Variants in SGCZ observed in about 807,000 individuals in gnomAD.
SGCZ encodes sarcoglycan zeta.
In SGCZ, 40 loss-of-function variants were observed where a neutral mutation model predicts 41.3. The observed-to-expected ratio is 0.97, with a 90% CI of 0.75 to 1.26. The LOEUF (loss-of-function observed/expected upper bound fraction) is 1.26. Among genes scored for constraint, SGCZ ranks in the 50% most tolerant of loss-of-function variants. The pLI is 0.00. For synonymous variants in SGCZ, 206 were observed against 137.5 expected (o/e 1.50, Z -3.49); for missense variants, 552 against 369.8 (o/e 1.49, Z -4.04).
At chr8:14,359,826 A>T (rs900036790) in intron 2 of SGCZ, among the ~76,000 whole-genome samples, 1 of 152,032 alleles carries the variant, frequency 6.6e-6, no homozygotes, top group Non-Finnish European at 1.5e-5. Context: ...AAAAAAAAAA[A>T]AAACAAATAT....
intron 2 of SGCZ, among the ~76,000 whole-genome samples, chr8:14,331,216 TATTAA>T (rs1167915076): frequency 2.0e-5 from 3 of 151,984 alleles, no homozygotes; most frequent in East Asian, 1.9e-4. Flanking sequence ...AGAATGGAAA[TATTAA>T]ATTGTTTCAA....
Position 14,811,654 on chromosome 8 carries a change from A to G in SGCZ, c.40-256728T>C, listed in dbSNP as rs541130649. Among the ~76,000 whole-genome samples the G allele has an allele frequency of 4.0e-5, 6 of 150,918 alleles. No individual in the cohort carries two copies. The South Asian group carries it at 1.0e-3, about 26-fold the overall frequency. ...ACATAAATTTCATAGAATCTGGAGAACAGCCATTAAAAGAGTACATTGTCT... is the reference window on the plus strand; with the variant it reads ...ACATAAATTTCATAGAATCTGGAGAGCAGCCATTAAAAGAGTACATTGTCT... On this transcript the variant is annotated intron_variant, in intron 1 of 7. Coordinates refer to ENST00000382080, the MANE Select transcript of SGCZ (RefSeq NM_139167.4).
intron 3 of SGCZ, among the ~76,000 whole-genome samples, chr8:14,295,219 T>C (rs1800969154): frequency 6.6e-6 from 1 of 152,162 alleles, no homozygotes; most frequent in African/African-American, 2.4e-5. Context: ...GGAAACTCTT[T>C]ATAGTCAATC....
intron 1 of SGCZ, among the ~76,000 whole-genome samples, chr8:14,892,685 G>T (rs1805059321): frequency 6.6e-6 from 1 of 152,086 alleles, no homozygotes; most frequent in Non-Finnish European, 1.5e-5. Context: ...ATGGAACTAA[G>T]TAAATAAAAA....
In SGCZ at chr8:14,191,235, T is replaced by C. The variant is rs1453972753; in HGVS notation, c.425-26533A>G. ...GAGCTGTGTTATATATTTTGAATAT[T>C]GACCTTTATCAGTTACATAGTCCAA... On this transcript the variant is annotated intron_variant, in intron 4 of 7. Coordinates refer to ENST00000382080, the MANE Select transcript of SGCZ (RefSeq NM_139167.4). Among the ~76,000 whole-genome samples the C allele has an allele frequency of 3.3e-5, 5 of 152,234 alleles. No individual in the cohort carries two copies. In the East Asian group the frequency reaches 9.6e-4, roughly 29 times the overall value.
intron 1 of SGCZ, among the ~76,000 whole-genome samples, chr8:14,703,619 A>G (rs1347789310): frequency 6.6e-6 from 1 of 152,014 alleles, no homozygotes; most frequent in East Asian, 1.9e-4. Context: ...AAGCAAATTT[A>G]TGGTATAGCA....
chr8:14,601,673 A>C (rs929472053), intron 1 of SGCZ, among the ~76,000 whole-genome samples: 1 of 152,174 alleles, frequency 6.6e-6, no homozygotes. Context: ...GGTAGCAGAA[A>C]GTTTTTCTTT....
intron 2 of SGCZ, among the ~76,000 whole-genome samples, chr8:14,470,006 C>T (rs1022257600): frequency 3.3e-5 from 5 of 152,112 alleles, no homozygotes; most frequent in African/African-American, 1.2e-4. Context: ...TTGATGGGAA[C>T]CCCAGCTTGA....
chr8:14,880,393 G>A (rs891294301), intron 1 of SGCZ, among the ~76,000 whole-genome samples: 8 of 152,142 alleles, frequency 5.3e-5, no homozygotes, highest in African/African-American at 9.7e-5. Context: ...AAGTCAGTGT[G>A]GTGATTTCTC....
At chr8:14,206,664 G>A (rs1387432068) in intron 4 of SGCZ, among the ~76,000 whole-genome samples, 1 of 152,122 alleles carries the variant, frequency 6.6e-6, no homozygotes, top group Non-Finnish European at 1.5e-5. Flanking sequence ...GATTTATTCT[G>A]TTTATATAAC....
chr8:15,064,947 C>A (rs1183912714), intron 1 of SGCZ, among the ~76,000 whole-genome samples: 4 of 152,120 alleles, frequency 2.6e-5, no homozygotes, highest in African/African-American at 9.7e-5. Flanking sequence ...GCGGTTTACA[C>A]CATCTTCATT....
At chr8:14,902,967 T>C (rs1365069699) in intron 1 of SGCZ, among the ~76,000 whole-genome samples, 1 of 152,136 alleles carries the variant, frequency 6.6e-6, no homozygotes, top group Non-Finnish European at 1.5e-5. Flanking sequence ...TTTCAAAACA[T>C]GTGAATTGAC....
chr8:14,688,145 G>T (rs914397111), intron 1 of SGCZ, among the ~76,000 whole-genome samples: 3 of 152,028 alleles, frequency 2.0e-5, no homozygotes, highest in Non-Finnish European at 4.4e-5. Context: ...TTTGTAGGTT[G>T]CCTGTTCACT....
chr8:14,492,821 G>C (rs1801879605), intron 2 of SGCZ, among the ~76,000 whole-genome samples: 1 of 151,780 alleles, frequency 6.6e-6, no homozygotes, highest in African/African-American at 2.4e-5. Flanking sequence ...TTTTTTTCCA[G>C]AAAATGATAT....
intron 2 of SGCZ, among the ~76,000 whole-genome samples, chr8:14,519,660 T>C (rs1300336771): frequency 6.6e-6 from 1 of 152,144 alleles, no homozygotes; most frequent in Non-Finnish European, 1.5e-5. Context: ...TTCGTGTATA[T>C]TTATGTCTTG....
At chr8:14,117,739 C>A (rs1802569299) in intron 5 of SGCZ, among the ~76,000 whole-genome samples, 1 of 151,278 alleles carries the variant, frequency 6.6e-6, no homozygotes, top group Admixed American at 6.6e-5. Context: ...CCCTTAGTCC[C>A]ACATCCCCTA....
intron 1 of SGCZ, among the ~76,000 whole-genome samples, chr8:15,154,639 A>C (rs557913663): frequency 6.6e-6 from 1 of 152,358 alleles, no homozygotes; most frequent in African/African-American, 2.4e-5. Flanking sequence ...GGTGATCAAT[A>C]TTTTGTAAAG....
At chr8:14,114,107 T>C (rs2117018624) in intron 5 of SGCZ, among the ~76,000 whole-genome samples, 1 of 152,170 alleles carries the variant, frequency 6.6e-6, no homozygotes. Flanking sequence ...CTTACGACTT[T>C]CTTGAAGTCA....
At chr8:15,118,899 G>T (rs141591067) in intron 1 of SGCZ, among the ~76,000 whole-genome samples, 2 of 152,106 alleles carry the variant, frequency 1.3e-5, no homozygotes, top group African/African-American at 4.8e-5. Flanking sequence ...GTATAGACAC[G>T]TTCCAGATGA....
Sources: allele counts gnomAD v4.1 joint callset (sites outside exome capture counted in the v4.1 genomes callset), GRCh38; gene constraint gnomAD v4.1.1; transcripts MANE v1.5; gene names NCBI Gene and HGNC (gene_info 2026-07-23, HGNC 2026-07-21).